Variants in SSH2 observed in about 807,000 individuals in gnomAD.
The protein encoded by SSH2 is slingshot protein phosphatase 2, also known as protein phosphatase Slingshot homolog 2.
A neutral mutation model predicts 135.2 loss-of-function variants in SSH2; 37 were observed. That is an observed-to-expected ratio of 0.27 (90% CI 0.21 to 0.36). The LOEUF is 0.36. SSH2 is among the 10% of genes least tolerant of loss of function. The pLI is 1.00. For missense variants in SSH2, 1,408 were observed against 1,765.3 expected (o/e 0.80, Z 3.63); for synonymous variants, 628 against 646.2 (o/e 0.97, Z 0.43).
chr17:29,669,250 CA>C (rs202010223), intron 9 of SSH2, among the ~76,000 whole-genome samples: 5 of 139,808 alleles, frequency 3.6e-5, no homozygotes, highest in Admixed American at 7.2e-5. Context: ...GACTCCGTCT[CA>C]AAAAAAAAAG....
At chr17:29,785,957 A>G (rs981939154) in intron 3 of SSH2, among the ~76,000 whole-genome samples, 12 of 151,892 alleles carry the variant, frequency 7.9e-5, no homozygotes, top group African/African-American at 2.4e-4. Flanking sequence ...GGCGCCCGCC[A>G]TCACGCCCGG....
intron 1 of SSH2, among the ~76,000 whole-genome samples, chr17:29,911,136 G>A (rs963096906): frequency 6.6e-6 from 1 of 152,082 alleles, no homozygotes; most frequent in African/African-American, 2.4e-5. Context: ...GGCTTAAAAG[G>A]GCTAGGTGCT....
At chr17:29,750,726 AT>A (rs1161950548) in intron 3 of SSH2, among the ~76,000 whole-genome samples, 1 of 151,090 alleles carries the variant, frequency 6.6e-6, no homozygotes. Flanking sequence ...TTTAAAATGT[AT>A]TTTTTTGGCC....
intron 2 of SSH2, among the ~76,000 whole-genome samples, chr17:29,800,979 C>T (rs2042241984): frequency 6.6e-6 from 1 of 151,748 alleles, no homozygotes; most frequent in Admixed American, 6.6e-5. Context: ...GATTCTCATA[C>T]CTCAGCCTCC....
intron 2 of SSH2, among the ~76,000 whole-genome samples, chr17:29,847,783 G>T (rs928429577): frequency 1.3e-5 from 2 of 152,160 alleles, no homozygotes; most frequent in African/African-American, 4.8e-5. Context: ...CATTAGCATG[G>T]ACACTCCCAC....
At chr17:29,681,331 CAAAAAAAAAAAAAAAA>C (rs764461213) in intron 6 of SSH2, among the ~76,000 whole-genome samples, 1 of 14,338 alleles carries the variant, frequency 7.0e-5, no homozygotes, top group Non-Finnish European at 1.2e-4. Context: ...GAGACTGTCT[CAAAAAAAAAAAAAAAA>C]AAAAAAAAAA....
intron 4 of SSH2, 140 bp from the exon 5 acceptor site, chr17:29,695,663 T>G: frequency 3.0e-6 from 2 of 672,726 alleles, no homozygotes; most frequent in Non-Finnish European, 5.0e-6. Flanking sequence ...ATTAAATGAT[T>G]ATTAACTTCT....
intron 1 of SSH2, among the ~76,000 whole-genome samples, chr17:29,849,880 A>G (rs902450817): frequency 1.5e-5 from 2 of 131,014 alleles, no homozygotes; most frequent in East Asian, 2.2e-4. Flanking sequence ...ATATATATAT[A>G]TTAGCCGGGC....
intron 1 of SSH2, among the ~76,000 whole-genome samples, chr17:29,929,605 G>A (rs1004234247): frequency 2.0e-5 from 3 of 152,070 alleles, no homozygotes; most frequent in Non-Finnish European, 2.9e-5. Context: ...CCCTGCAGCA[G>A]AGCAACAGAG....
intron 3 of SSH2, among the ~76,000 whole-genome samples, chr17:29,779,836 A>C: frequency 6.7e-6 from 1 of 148,912 alleles, no homozygotes; most frequent in Admixed American, 6.7e-5. Context: ...AAAAAAAAAA[A>C]AAAAGATGAA....
intron 3 of SSH2, among the ~76,000 whole-genome samples, chr17:29,753,792 GA>G (rs58985020): frequency 0.62 from 74,150 of 119,874 alleles, 22,277 homozygotes; most frequent in African/African-American, 0.84. Flanking sequence ...GACTCTGTCT[GA>G]AAAAAAAAAA....
intron 3 of SSH2, among the ~76,000 whole-genome samples, chr17:29,714,381 C>T (rs916253559): frequency 1.3e-5 from 2 of 152,104 alleles, no homozygotes; most frequent in Non-Finnish European, 2.9e-5. Flanking sequence ...AAAACACACC[C>T]GCAGAAGAAA....
At chr17:29,791,547 G>A (rs1355660691) in intron 3 of SSH2, among the ~76,000 whole-genome samples, 1 of 152,156 alleles carries the variant, frequency 6.6e-6, no homozygotes, top group African/African-American at 2.4e-5. Flanking sequence ...ATTCAATGCT[G>A]GTTTATTCTG....
intron 1 of SSH2, among the ~76,000 whole-genome samples, chr17:29,850,874 A>C (rs2065542944): frequency 6.6e-6 from 1 of 152,010 alleles, no homozygotes; most frequent in African/African-American, 2.4e-5. Context: ...AGTCCCACCT[A>C]CTCGGGAGGT....
At chr17:29,698,547 G>A (rs1467417367) in intron 4 of SSH2, among the ~76,000 whole-genome samples, 2 of 151,856 alleles carry the variant, frequency 1.3e-5, no homozygotes, top group Non-Finnish European at 2.9e-5. Context: ...GTACAGTGGC[G>A]CTATCACAGC....
chr17:29,838,397 T>C (rs1418119415), intron 2 of SSH2, among the ~76,000 whole-genome samples: 2 of 152,208 alleles, frequency 1.3e-5, no homozygotes, highest in African/African-American at 2.4e-5. Flanking sequence ...GGCAGACTCC[T>C]AGGCAGACAA....
At chr17:29,759,123 T>C (rs985839239) in intron 3 of SSH2, among the ~76,000 whole-genome samples, 1 of 152,120 alleles carries the variant, frequency 6.6e-6, no homozygotes, top group East Asian at 1.9e-4. Context: ...GATCACAGCT[T>C]ACTGTAGCCT....
intron 15 of SSH2, 82 bp downstream of exon 15, chr17:29,635,885 CA>C: frequency 1.8e-6 from 2 of 1,106,566 alleles, no homozygotes; most frequent in Non-Finnish European, 2.6e-6. Flanking sequence ...GACTCTCCAT[CA>C]AAAACAAACA....
At chr17:29,899,530 T>C (rs2066507528) in intron 1 of SSH2, among the ~76,000 whole-genome samples, 1 of 152,116 alleles carries the variant, frequency 6.6e-6, no homozygotes, top group African/African-American at 2.4e-5. Context: ...CCATTCACAA[T>C]TGCTTCAAAG....
Sources: gnomAD v4.1 joint callset for allele counts (sites outside exome capture counted in the v4.1 genomes callset) on GRCh38, gnomAD v4.1.1 for gene constraint, MANE v1.5 for transcripts, NCBI Gene and HGNC (gene_info 2026-07-23, HGNC 2026-07-21) for gene names.